The following PEBP4 variants were observed in gnomAD, a reference collection of about 807,000 sequenced individuals.
PEBP4 encodes the protein phosphatidylethanolamine-binding protein 4.
Under a neutral mutation model 23.9 loss-of-function variants are expected in PEBP4, and 22 were observed. The observed-to-expected ratio is 0.92, with a 90% CI of 0.66 to 1.31. The LOEUF (loss-of-function observed/expected upper bound fraction) is 1.31, where lower values mean the gene tolerates loss of function less well. PEBP4 is among the 40% of genes most tolerant of loss of function. The pLI, the probability that PEBP4 is intolerant of heterozygous loss-of-function variation, is 0.00. For synonymous variants in PEBP4, 112 were observed against 99.3 expected, an observed-to-expected ratio of 1.13 and a Z score of -0.76; for missense variants, 324 against 281.7, an observed-to-expected ratio of 1.15 and a Z score of -1.07.
chr8:22,891,507 A>C (rs559134454), intron 3 of PEBP4, among the ~76,000 whole-genome samples: 32 of 152,262 alleles, frequency 2.1e-4, no homozygotes, highest in African/African-American at 7.2e-4. Flanking sequence ...GGGAAGGAGG[A>C]GTCTGGGTGT....
At chr8:22,859,699 C>T (rs1807724513) in intron 3 of PEBP4, among the ~76,000 whole-genome samples, 1 of 152,146 alleles carries the variant, frequency 6.6e-6, no homozygotes. Flanking sequence ...ATTTGAGGCC[C>T]ATCTGGTCTC....
intron 3 of PEBP4, among the ~76,000 whole-genome samples, chr8:22,827,772 T>C (rs1018407499): frequency 3.9e-5 from 6 of 152,258 alleles, no homozygotes; most frequent in African/African-American, 1.2e-4. Context: ...CTGGGTCATA[T>C]TGTAAATTTA....
intron 3 of PEBP4, among the ~76,000 whole-genome samples, chr8:22,894,769 T>A (rs1808559249): frequency 2.0e-5 from 3 of 152,146 alleles, no homozygotes; most frequent in South Asian, 4.1e-4. Flanking sequence ...CACAGCCTCA[T>A]CAGGTCTCTT....
At chr8:22,919,166 A>C (rs1585344212) in intron 3 of PEBP4, among the ~76,000 whole-genome samples, 1 of 152,140 alleles carries the variant, frequency 6.6e-6, no homozygotes, top group African/African-American at 2.4e-5. Flanking sequence ...TTGTTGTCCT[A>C]CTGGGCTTAG....
chr8:22,887,089 A>AGTGTGTGTGT (rs60863527), intron 3 of PEBP4: 2 of 147,352 alleles, frequency 1.4e-5, no homozygotes, highest in East Asian at 2.0e-4. Flanking sequence ...GGACACTCCT[A>AGTGTGTGTGT]GTGTGTGTGT....
At chr8:22,852,804 A>G (rs933203274) in intron 3 of PEBP4, among the ~76,000 whole-genome samples, 4 of 152,258 alleles carry the variant, frequency 2.6e-5, no homozygotes, top group African/African-American at 9.6e-5. Context: ...ATTAAAAAAA[A>G]AAGACTAAAA....
At chr8:22,890,217 A>G (rs1476766684) in intron 3 of PEBP4, among the ~76,000 whole-genome samples, 1 of 152,240 alleles carries the variant, frequency 6.6e-6, no homozygotes, top group East Asian at 1.9e-4. Flanking sequence ...AGAACATCCA[A>G]GAGAGAAACT....
At chr8:22,909,165 C>T (rs1264013020) in intron 3 of PEBP4, among the ~76,000 whole-genome samples, 1 of 152,144 alleles carries the variant, frequency 6.6e-6, no homozygotes, top group Non-Finnish European at 1.5e-5. Context: ...CACCTATCTC[C>T]CCCTGGTGTC....
At chr8:22,881,170 C>T (rs1808248792) in intron 3 of PEBP4, among the ~76,000 whole-genome samples, 1 of 152,236 alleles carries the variant, frequency 6.6e-6, no homozygotes, top group Non-Finnish European at 1.5e-5. Context: ...CATGGGGCCC[C>T]ACAGGGCTCC....
chr8:22,813,245 G>A (rs1806670754), intron 4 of PEBP4, among the ~76,000 whole-genome samples: 1 of 152,134 alleles, frequency 6.6e-6, no homozygotes, highest in African/African-American at 2.4e-5. Context: ...AAGGTTGAGG[G>A]CACTGAATGA....
rs117805555 is a variant in PEBP4 at position 22,727,126 on chromosome 8, C to T, written c.403+49G>A. ...ACCATGAGGTTTTGATTCCTGTGATCGTCACTGATGCCCTGGCTGGGGGAA... is the reference window on the plus strand; with the variant it reads ...ACCATGAGGTTTTGATTCCTGTGATTGTCACTGATGCCCTGGCTGGGGGAA... On this transcript the variant is annotated intron_variant, in intron 5 of 6. Coordinates refer to ENST00000256404, the MANE Select transcript of PEBP4 (RefSeq NM_144962.3). 2,951 of 1,599,446 alleles carry T rather than the reference C, an allele frequency of 1.8e-3. 2 individuals are homozygous for T. The highest frequency in any genetic ancestry group is 2.3e-3 in the Non-Finnish European group (2,712 of 1,167,770).
At chr8:22,856,445 G>A (rs1056041130) in intron 3 of PEBP4, among the ~76,000 whole-genome samples, 6 of 152,192 alleles carry the variant, frequency 3.9e-5, no homozygotes, top group Admixed American at 3.9e-4. Context: ...GGCTGAGAGA[G>A]GTGGCTCACA....
intron 3 of PEBP4, among the ~76,000 whole-genome samples, chr8:22,909,987 T>A (rs959900180): frequency 6.6e-6 from 1 of 152,202 alleles, no homozygotes; most frequent in African/African-American, 2.4e-5. Context: ...CACCACGCCA[T>A]GTAATACAAC....
intron 3 of PEBP4, among the ~76,000 whole-genome samples, chr8:22,848,000 A>T (rs2128766791): frequency 6.6e-6 from 1 of 151,358 alleles, no homozygotes; most frequent in South Asian, 2.1e-4. Flanking sequence ...AAGGCTTTTA[A>T]TTTTTTTTTC....
chr8:22,726,129 C>G (rs540979695), intron 5 of PEBP4, among the ~76,000 whole-genome samples: 3 of 152,014 alleles, frequency 2.0e-5, no homozygotes, highest in African/African-American at 7.3e-5. Flanking sequence ...TGTACATGAA[C>G]AGCCAGTGTG....
chr8:22,853,065 T>C (rs1181495100), intron 3 of PEBP4, among the ~76,000 whole-genome samples: 1 of 152,234 alleles, frequency 6.6e-6, no homozygotes, highest in Non-Finnish European at 1.5e-5. Flanking sequence ...CCAGCCCCCA[T>C]CTTGGGCTAA....
chr8:22,773,009 C>T (rs1805745980), intron 4 of PEBP4, among the ~76,000 whole-genome samples: 1 of 152,158 alleles, frequency 6.6e-6, no homozygotes, highest in Admixed American at 6.5e-5. Flanking sequence ...GAGAACCCAT[C>T]TTGGCCTTCC....
At chr8:22,874,377 G>C (rs972106230) in intron 3 of PEBP4, among the ~76,000 whole-genome samples, 32 of 152,180 alleles carry the variant, frequency 2.1e-4, no homozygotes, top group African/African-American at 7.2e-4. Flanking sequence ...CTGCCTCCAT[G>C]CAGGGAGAAT....
chr8:22,824,235 C>T (rs1806921334), intron 3 of PEBP4, among the ~76,000 whole-genome samples: 3 of 152,088 alleles, frequency 2.0e-5, no homozygotes, highest in Admixed American at 6.6e-5. Flanking sequence ...AAATGCATTG[C>T]TTTTATACTT....
Sources: gnomAD v4.1 joint callset for allele counts (sites outside exome capture counted in the v4.1 genomes callset) on GRCh38, gnomAD v4.1.1 for gene constraint, MANE v1.5 for transcripts, NCBI Gene and HGNC (gene_info 2026-07-23, HGNC 2026-07-21) for gene names.